Variants in ACACA observed in about 807,000 individuals in gnomAD.
ACACA encodes acetyl-CoA carboxylase alpha, also known as acetyl-CoA carboxylase 1.
In ACACA, 103 loss-of-function variants were observed where a neutral mutation model predicts 296.1. That is an observed-to-expected ratio of 0.35 (90% confidence interval 0.30 to 0.41). The LOEUF is 0.41. Ranked by LOEUF, ACACA falls within the 10% of genes least tolerant of loss-of-function variation. The probability of loss-of-function intolerance (pLI) is 1.00; values close to 1 mark genes in which losing one functional copy is unlikely to be tolerated. For missense variants in ACACA, 1,554 were observed against 2,989.7 expected, an observed-to-expected ratio of 0.52 and a Z score of 11.20; for synonymous variants, 953 against 1,038.6, an observed-to-expected ratio of 0.92 and a Z score of 1.58.
chr17:37,264,097 A>G (rs1001964484), intron 10 of ACACA, among the ~76,000 whole-genome samples: 2 of 152,186 alleles, frequency 1.3e-5, no homozygotes, highest in African/African-American at 4.8e-5. Context: ...TACATAACCA[A>G]TATTAATTGA....
intron 1 of ACACA, among the ~76,000 whole-genome samples, chr17:37,401,196 C>CTTT (rs1234610912): frequency 1.5e-5 from 2 of 134,354 alleles, no homozygotes; most frequent in African/African-American, 2.7e-5. Context: ...TTTTGTTTTT[C>CTTT]TTTTTTTTTT....
intron 17 of ACACA, 147 bp downstream of exon 17, chr17:37,248,446 G>A (rs540502049): frequency 3.4e-5 from 25 of 743,276 alleles, no homozygotes; most frequent in African/African-American, 2.3e-4. Flanking sequence ...AACAACAAAC[G>A]CTGCTTCAGG....
intron 8 of ACACA, among the ~76,000 whole-genome samples, chr17:37,274,951 G>GT (rs1447495390): frequency 6.7e-6 from 1 of 149,390 alleles, no homozygotes; most frequent in Non-Finnish European, 1.5e-5. Flanking sequence ...AGGTTTTAGT[G>GT]TATGTCTGTT....
Position 37,406,363 on chromosome 17 carries a change from G to A in ACACA, c.-64C>T. 6.3e-7 allele frequency: 1 copy of A among 1,578,174 alleles called. No individual in the cohort carries two copies. The highest frequency in any genetic ancestry group is 2.2e-5 in the East Asian group (1 of 44,692). ...CAAAGAGGGGATGGTTCTTTCCAAA[G>A]AAGACAATTTCGACGTTCCAGGAGC... On this transcript the variant is annotated 5_prime_UTR_variant, in exon 1 of 56. Transcript: ENST00000616317.
rs117335701 is a variant in ACACA at position 37,088,663 on chromosome 17, C to T, written c.7028+275G>A. 3.8e-3 allele frequency among the ~76,000 whole-genome samples: 579 copies of T among 152,258 alleles called. 1 individual carries two copies. Among genetic ancestry groups the T allele is most frequent in the Non-Finnish European group, 6.2e-3 (419 of 68,014 alleles). On this transcript the variant is annotated intron_variant, in intron 55 of 55. Coordinates refer to ENST00000616317, the MANE Select transcript of ACACA (RefSeq NM_198834.3). ...AGCTTTCCTCCCAGAGTTGTTCATC[C>T]GGTTTGAGTATCAGCATTCAGAGCT...
chr17:37,262,839 C>G (rs767916841), intron 11 of ACACA, among the ~76,000 whole-genome samples: 4 of 152,082 alleles, frequency 2.6e-5, no homozygotes, highest in Admixed American at 6.5e-5. Flanking sequence ...AAGTGATCCT[C>G]CCACCTCAGC....
At position 37,161,789 on chromosome 17, in the gene ACACA, G is replaced by A; in HGVS notation, c.5341C>T (p.Pro1781Ser). 1.2e-6 allele frequency: 2 copies of A among 1,611,180 alleles called. No individual in the cohort carries two copies. Among genetic ancestry groups the A allele is most frequent in the Non-Finnish European group, 1.7e-6 (2 of 1,179,982 alleles). ...FHVAWVDPED[P>S]YKGYRYLYLT... Reference sequence around the variant, plus strand: ...ATGCTCTTAGTGTGTACCTTGTAAGGATCCTCAGGATCTACCCAGGCCACA... The same window carrying A: ...ATGCTCTTAGTGTGTACCTTGTAAGAATCCTCAGGATCTACCCAGGCCACA... The change falls in exon 42 of 56, where the codon CCT (proline) becomes TCT (serine). Residue 1781 changes from proline (P) to serine (S), a missense_variant. Physicochemically the swap from Pro to Ser is moderately conservative, Grantham distance 74 (BLOSUM62 -1). Transcript: ENST00000616317.
chr17:37,318,976 A>G (rs1208929037), intron 3 of ACACA, among the ~76,000 whole-genome samples: 1 of 152,206 alleles, frequency 6.6e-6, no homozygotes, highest in African/African-American at 2.4e-5. Context: ...CATTAATGCA[A>G]TTAATACCAA....
At chr17:37,229,594 C>T (rs748940070) in intron 25 of ACACA, among the ~76,000 whole-genome samples, 3 of 151,666 alleles carry the variant, frequency 2.0e-5, no homozygotes, top group Admixed American at 6.6e-5. Context: ...TGAGCCACTG[C>T]GCCTGGCAGT....
At chr17:37,308,276 GT>G (rs2083974717) in intron 3 of ACACA, among the ~76,000 whole-genome samples, 3 of 152,130 alleles carry the variant, frequency 2.0e-5, no homozygotes, top group African/African-American at 7.2e-5. Flanking sequence ...TAATGAAAAT[GT>G]ATATCCAAGC....
chr17:37,346,723 A>C (rs2048641722), intron 1 of ACACA, among the ~76,000 whole-genome samples: 1 of 149,452 alleles, frequency 6.7e-6, no homozygotes, highest in Non-Finnish European at 1.5e-5. Context: ...AAAAAAAAAA[A>C]GATTTGATTG....
At chr17:37,106,197 G>A (rs924506639) in intron 52 of ACACA, among the ~76,000 whole-genome samples, 1 of 152,008 alleles carries the variant, frequency 6.6e-6, no homozygotes. Context: ...CATAACAGGT[G>A]TGCCTTTCTT....
At chr17:37,199,203 G>A (rs975370780) in intron 35 of ACACA, among the ~76,000 whole-genome samples, 18 of 148,438 alleles carry the variant, frequency 1.2e-4, no homozygotes, top group Admixed American at 5.4e-4. Flanking sequence ...TTGCGCCACT[G>A]CACTCCAGCC....
chr17:37,368,167 G>A (rs2049675471), intron 1 of ACACA, among the ~76,000 whole-genome samples: 1 of 152,228 alleles, frequency 6.6e-6, no homozygotes. Flanking sequence ...AGCTATGAGG[G>A]AGGCTGAGGA....
intron 45 of ACACA, among the ~76,000 whole-genome samples, chr17:37,137,130 G>A (rs755521084): frequency 6.6e-6 from 1 of 151,996 alleles, no homozygotes; most frequent in African/African-American, 2.4e-5. Context: ...TAATTACTGG[G>A]TTGTTTTCTT....
chr17:37,234,932 A>T, intron 25 of ACACA, 43 bp downstream of exon 25: 1 of 1,611,150 alleles, frequency 6.2e-7, no homozygotes, highest in Non-Finnish European at 8.5e-7. Flanking sequence ...TACTTTTTGC[A>T]TATCATTGAC....
rs1222189025 is a variant in ACACA at position 37,406,677 on chromosome 17, G to A, written c.-378C>T. 9.9e-6 allele frequency: 4 copies of A among 402,052 alleles called. No homozygotes were observed. In the East Asian group the frequency reaches 2.2e-4, roughly 22 times the overall value. The allele number at this position is 402,052 out of a possible 1,614,324, so 24.9% of individuals were successfully genotyped here. ...CGCCACACGGGCAAAGTGATTACTG[G>A]TCGGATCAAAAGTCAGGCAAGCGGC... is the stretch of plus-strand genomic sequence containing the variant. On this transcript the variant is annotated 5_prime_UTR_variant, in exon 1 of 56. Coordinates refer to ENST00000616317, the MANE Select transcript of ACACA (RefSeq NM_198834.3).
rs1448224946 is a variant in ACACA at position 37,270,737 on chromosome 17, A to T, written c.1119+14T>A. 6.3e-7 allele frequency: 1 copy of T among 1,588,584 alleles called. No individual in the cohort carries two copies. The highest frequency in any genetic ancestry group is 2.2e-5 in the East Asian group (1 of 44,732). On this transcript the variant is annotated intron_variant, in intron 10 of 55. Coordinates refer to ENST00000616317, the MANE Select transcript of ACACA (RefSeq NM_198834.3). Reference sequence around the variant, plus strand: ...CATGTTAGTTCAAACAAACAAAAACAGCTTATACTCTACCTGTCTGAAGAG... The same window carrying T: ...CATGTTAGTTCAAACAAACAAAAACTGCTTATACTCTACCTGTCTGAAGAG...
chr17:37,111,734 C>T, intron 51 of ACACA, 91 bp from the exon 52 acceptor site: 2 of 929,886 alleles, frequency 2.2e-6, no homozygotes, highest in Admixed American at 3.6e-5. Flanking sequence ...ATTTGTAGAC[C>T]AGGAAATAGC....
Sources: allele counts gnomAD v4.1 joint callset (sites outside exome capture counted in the v4.1 genomes callset), GRCh38; gene constraint gnomAD v4.1.1; transcripts MANE v1.5; gene names NCBI Gene and HGNC (gene_info 2026-07-23, HGNC 2026-07-21).